Variants in MISP observed in about 807,000 individuals in gnomAD.
The protein encoded by MISP is mitotic spindle positioning.
MISP carries 51 observed loss-of-function variants against 49.3 expected under a neutral mutation model. The ratio of observed to expected loss-of-function variants is 1.03; its 90% CI spans 0.83 to 1.31. The LOEUF (loss-of-function observed/expected upper bound fraction) is 1.31, where lower values mean the gene tolerates loss of function less well. Among genes scored for constraint, MISP ranks in the 50% most tolerant of loss-of-function variants. MISP has a pLI of 0.00. For missense variants in MISP, 1,084 were observed against 935.1 expected, an observed-to-expected ratio of 1.16 and a Z score of -2.08; for synonymous variants, 444 against 392.6, an observed-to-expected ratio of 1.13 and a Z score of -1.55.
intron 1 of MISP, among the ~76,000 whole-genome samples, chr19:755,251 G>A (rs1289963128): frequency 6.6e-6 from 1 of 152,224 alleles, no homozygotes; most frequent in South Asian, 2.1e-4. Flanking sequence ...GGGAGAGGGC[G>A]AGAGCCGGAA....
At chr19:761,493 G>C (rs2033671104) in intron 3 of MISP, 132 bp from the exon 4 acceptor site, 1 of 951,480 alleles carries the variant, frequency 1.1e-6, no homozygotes. Context: ...CACGTGTTGA[G>C]AACACTCAGG....
At chr19:748,861 G>A (rs1054787415), upstream of MISP, among the ~76,000 whole-genome samples, 1 of 152,174 alleles carries the variant, frequency 6.6e-6, no homozygotes, top group South Asian at 2.1e-4. Flanking sequence ...CTTCGTGGCC[G>A]GGCACGGTGT....
chr19:763,065 G>A (rs1599189980), intron 4 of MISP, among the ~76,000 whole-genome samples: 2 of 152,126 alleles, frequency 1.3e-5, no homozygotes, highest in East Asian at 3.9e-4. Flanking sequence ...CGAGGCGGGA[G>A]GATCATGAGG....
At position 757,261 on chromosome 19, in the gene MISP, A is replaced by G. The variant is rs1396320136; in HGVS notation, c.315A>G (p.Gly105=). 6.2e-7 allele frequency: 1 copy of G among 1,613,896 alleles called. No homozygotes were observed. Among genetic ancestry groups the G allele is most frequent in the Non-Finnish European group, 8.5e-7 (1 of 1,179,958 alleles). The change falls in exon 2 of 5, where the codon GGA becomes GGG. Residue 105 remains glycine, a synonymous_variant. Coordinates refer to ENST00000215582, the MANE Select transcript of MISP (RefSeq NM_173481.4). Reference sequence around the variant, plus strand: ...TGGGCGCCAGGGATGCCCACCAGGGACGTCCAACATGGGCACTCCGCCCAG... The same window carrying G: ...TGGGCGCCAGGGATGCCCACCAGGGGCGTCCAACATGGGCACTCCGCCCAG... ...YRLGARDAHQ[G]RPTWALRPED...
At chr19:759,695 C>T (rs1044287285) in intron 2 of MISP, among the ~76,000 whole-genome samples, 3 of 152,122 alleles carry the variant, frequency 2.0e-5, no homozygotes, top group Non-Finnish European at 2.9e-5. Context: ...CCACCGCGCC[C>T]GGCCACTTTT....
chr19:751,252 CAT>C (rs1188088778), intron 1 of MISP, 81 bp downstream of exon 1: 1 of 152,128 alleles, frequency 6.6e-6, no homozygotes, highest in African/African-American at 2.4e-5. Flanking sequence ...GTGGGAGCGT[CAT>C]GTGTCTGTGG....
chr19:757,468 C>A lies in MISP; in HGVS notation c.522C>A (p.Gly174=). 6.3e-7 allele frequency: 1 copy of A among 1,592,298 alleles called. No homozygotes were observed. The change falls in exon 2 of 5, where the codon GGC becomes GGA. Residue 174 remains glycine (G), a synonymous_variant. Coordinates refer to ENST00000215582, the MANE Select transcript of MISP (RefSeq NM_173481.4). The part of the protein sequence containing the change: ...TPDHGDPRTP[G]PPRSTPLEEN... ...ACCACGGAGACCCCAGGACCCCCGG[C>A]CCACCTCGGTCCACGCCCCTGGAGG...
chr19:754,542 G>T (rs1286521124), intron 1 of MISP, among the ~76,000 whole-genome samples: 1 of 152,246 alleles, frequency 6.6e-6, no homozygotes, highest in Non-Finnish European at 1.5e-5. Flanking sequence ...CAGGAGAATT[G>T]CTTGAACCCG....
At chr19:749,691 G>A (rs1032766117), upstream of MISP, among the ~76,000 whole-genome samples, 6 of 152,322 alleles carry the variant, frequency 3.9e-5, no homozygotes, top group African/African-American at 1.2e-4. Context: ...ATAGCTGGGC[G>A]TGGTGGCTCA....
chr19:751,520 A>G (rs2033459595), intron 1 of MISP, among the ~76,000 whole-genome samples: 1 of 152,058 alleles, frequency 6.6e-6, no homozygotes, highest in South Asian at 2.1e-4. Flanking sequence ...GGGCCCCTCC[A>G]TGGTTCTGGG....
intron 2 of MISP, among the ~76,000 whole-genome samples, 185 bp downstream of exon 2, chr19:758,911 G>A (rs1367681456): frequency 1.3e-5 from 2 of 152,206 alleles, no homozygotes; most frequent in African/African-American, 2.4e-5. Context: ...ATTTTGGAGA[G>A]AAATGTCAAC....
rs978068362 is a variant in MISP, at chr19:757,691, C to T, written c.745C>T (p.Pro249Ser). 5 of 1,613,728 alleles carry T rather than the reference C, an allele frequency of 3.1e-6. No homozygotes were observed. The African/African-American group carries it at 4.0e-5, about 13-fold the overall frequency. ...CAACGGGCACGTGGTTCCCATCAAG[C>T]CCCAGGTGAAGGGGGTGGTCAGGGA... ...LANGHVVPIK[P>S]QVKGVVREEN... Residue 249 changes from proline to serine, a missense_variant, in exon 2 of 5, where the codon CCC (proline) becomes TCC (serine). Physicochemically the swap from Pro to Ser is moderately conservative, Grantham distance 74 (BLOSUM62 -1). Transcript: ENST00000215582.
upstream of MISP, among the ~76,000 whole-genome samples, chr19:748,931 G>A (rs141400383): frequency 2.1e-3 from 316 of 152,332 alleles, 1 homozygote; most frequent in African/African-American, 7.2e-3. Context: ...AAGGTCAAGA[G>A]ATCGATACCA....
In MISP at chr19:757,052, A is replaced by G. The variant is rs753439093; in HGVS notation, c.106A>G (p.Met36Val). ...CAGCTACACATACCATCTGGTGTGC[A>G]TGGGCCCCGAGGCCAGCGGCTGGGG... is the stretch of plus-strand genomic sequence containing the variant. ...DTSYTYHLVC[M>V]GPEASGWGQD... Residue 36 changes from methionine (M) to valine (V), a missense_variant, in exon 2 of 5, where the codon ATG becomes GTG. By Grantham distance (21) the Met-to-Val change is conservative (BLOSUM62 1). Coordinates refer to ENST00000215582, the MANE Select transcript of MISP (RefSeq NM_173481.4). 1 of 1,610,128 alleles carries G rather than the reference A, an allele frequency of 6.2e-7. No individual in the cohort carries two copies.
At position 758,205 on chromosome 19, in the gene MISP, T is replaced by A. The variant is rs1236631693; in HGVS notation, c.1259T>A (p.Ile420Asn). 1 of 1,612,372 alleles carries A rather than the reference T, an allele frequency of 6.2e-7. No homozygotes were observed. Among genetic ancestry groups the A allele is most frequent in the Non-Finnish European group, 8.5e-7 (1 of 1,179,738 alleles). ...PAPEVRKVNR[I>N]PPDAYQPYLS... The stretch of plus-strand genomic sequence containing the variant: ...CCAGAAGTGAGGAAGGTGAACCGCA[T>A]CCCACCTGATGCCTACCAGCCGTAC... Residue 420 changes from isoleucine to asparagine, a missense_variant, in exon 2 of 5, where the codon ATC (isoleucine) becomes AAC (asparagine). Physicochemically the swap from Ile to Asn is moderately radical, Grantham distance 149 (BLOSUM62 -3). Transcript: ENST00000215582.
rs1270081284 is a variant in MISP at position 763,923 on chromosome 19, TGC to T, written c.*334_*335del. Reference sequence around the variant, plus strand: ...CGCTCCTCCACTTTCAGGTGTAATTTGCTTCCGCTAGTCTGAGGGCAGAGGGA... The same window carrying T: ...CGCTCCTCCACTTTCAGGTGTAATTTTTCCGCTAGTCTGAGGGCAGAGGGA... On this transcript the variant is annotated 3_prime_UTR_variant, in exon 5 of 5. Transcript: ENST00000215582. 3 of 289,348 alleles carry T rather than the reference TGC, an allele frequency of 1.0e-5. No homozygotes were observed. Among genetic ancestry groups the T allele is most frequent in the Non-Finnish European group, 2.0e-5 (3 of 149,858 alleles). The allele number at this position is 289,348 out of a possible 1,614,324, so 17.9% of individuals were successfully genotyped here.
chr19:752,928 G>A (rs1273503496), intron 1 of MISP, among the ~76,000 whole-genome samples: 2 of 152,208 alleles, frequency 1.3e-5, no homozygotes, highest in Non-Finnish European at 2.9e-5. Flanking sequence ...CAATGAGCCC[G>A]ACCCCCACGT....
In MISP at chr19:763,526, G is replaced by A. The variant is rs1272201996; in HGVS notation, c.1976G>A (p.Arg659His). 7.4e-6 allele frequency: 12 copies of A among 1,613,928 alleles called. No individual in the cohort carries two copies. The highest frequency in any genetic ancestry group is 6.7e-5 in the East Asian group (3 of 44,872). ...SEVLEAIRVT[R>H]HKNAMAERWE... ...GTCCTGGAAGCCATACGGGTGACCCGTCACAAGAACGCCATGGCAGAGCGC... is the reference window on the plus strand; with the variant it reads ...GTCCTGGAAGCCATACGGGTGACCCATCACAAGAACGCCATGGCAGAGCGC... Residue 659 changes from arginine to histidine, a missense_variant, in exon 5 of 5, where the codon CGT becomes CAT. Coordinates refer to ENST00000215582, the MANE Select transcript of MISP (RefSeq NM_173481.4).
rs774470044 is a variant in MISP, at chr19:758,066, C to T, written c.1120C>T (p.Arg374Trp). The stretch of plus-strand genomic sequence containing the variant: ...CCGGCGGGAGGGCCTGCACGTGGGC[C>T]GGGCGTCCACACCCGACTGGGTCTC... ...DHRREGLHVG[R>W]ASTPDWVSEG... The change falls in exon 2 of 5, where the codon CGG (arginine) becomes TGG (tryptophan). Residue 374 changes from arginine to tryptophan, a missense_variant. Physicochemically the swap from Arg to Trp is moderately radical, Grantham distance 101. Transcript: ENST00000215582. 76 of 1,567,834 alleles carry T rather than the reference C, an allele frequency of 4.8e-5. No homozygotes were observed. Among genetic ancestry groups the T allele is most frequent in the East Asian group, 9.1e-5 (4 of 44,164 alleles).
Sources: gnomAD v4.1 joint callset for allele counts (sites outside exome capture counted in the v4.1 genomes callset) on GRCh38, gnomAD v4.1.1 for gene constraint, MANE v1.5 for transcripts, NCBI Gene and HGNC (gene_info 2026-07-23, HGNC 2026-07-21) for gene names.